Variants in EDIL3 observed in about 807,000 individuals in gnomAD.
EDIL3 encodes EGF like and discoidin domains 3, also known as EGF-like repeat and discoidin I-like domain-containing protein 3.
Under a neutral mutation model 67.4 loss-of-function variants are expected in EDIL3, and 37 were observed. The ratio of observed to expected loss-of-function variants is 0.55; its 90% CI spans 0.42 to 0.72. EDIL3 has a LOEUF of 0.72. EDIL3 is among the 30% of genes least tolerant of loss of function. The pLI is 0.00. For synonymous variants in EDIL3, 195 were observed against 196.3 expected, an observed-to-expected ratio of 0.99 and a Z score of 0.05; for missense variants, 527 against 586.3, an observed-to-expected ratio of 0.90 and a Z score of 1.04.
intron 3 of EDIL3, among the ~76,000 whole-genome samples, chr5:84,215,009 C>T (rs566313424): frequency 7.2e-5 from 11 of 152,100 alleles, no homozygotes; most frequent in Non-Finnish European, 1.5e-4. Flanking sequence ...CGTGAGCCAC[C>T]GCACCCGGCC....
intron 9 of EDIL3, among the ~76,000 whole-genome samples, chr5:83,964,568 G>C (rs1460355389): frequency 6.6e-6 from 1 of 152,000 alleles, no homozygotes; most frequent in African/African-American, 2.4e-5. Flanking sequence ...AGAAGAGAGA[G>C]CTAGAGAGAA....
At chr5:84,308,088 A>AAAT (rs1746309546) in intron 1 of EDIL3, among the ~76,000 whole-genome samples, 1 of 152,162 alleles carries the variant, frequency 6.6e-6, no homozygotes, top group Non-Finnish European at 1.5e-5. Context: ...AGGCAGGGAG[A>AAAT]TATTTAAGGG....
chr5:84,299,218 A>G (rs1394603667), intron 1 of EDIL3, among the ~76,000 whole-genome samples: 1 of 152,164 alleles, frequency 6.6e-6, no homozygotes, highest in Non-Finnish European at 1.5e-5. Context: ...GCTAAGAGAT[A>G]GTGGTATATA....
At chr5:84,292,286 T>C (rs1745939297) in intron 1 of EDIL3, among the ~76,000 whole-genome samples, 1 of 152,186 alleles carries the variant, frequency 6.6e-6, no homozygotes, top group Admixed American at 6.5e-5. Context: ...ATAACACTGA[T>C]GATTTTTTTT....
At chr5:83,947,505 A>G (rs1318731677) in intron 10 of EDIL3, among the ~76,000 whole-genome samples, 1 of 151,744 alleles carries the variant, frequency 6.6e-6, no homozygotes, top group Admixed American at 6.6e-5. Flanking sequence ...GTTAAATAAG[A>G]ACAGTCTTTG....
intron 6 of EDIL3, among the ~76,000 whole-genome samples, chr5:84,085,959 C>G (rs949052481): frequency 1.3e-5 from 2 of 152,146 alleles, no homozygotes; most frequent in Non-Finnish European, 2.9e-5. Flanking sequence ...GGCACTGTCA[C>G]GGGAAAACCA....
At chr5:84,061,107 A>G (rs1315089846) in intron 8 of EDIL3, among the ~76,000 whole-genome samples, 1 of 152,128 alleles carries the variant, frequency 6.6e-6, no homozygotes, top group Non-Finnish European at 1.5e-5. Context: ...GCATTGTGCA[A>G]GCATAATTTA....
intron 1 of EDIL3, among the ~76,000 whole-genome samples, chr5:84,261,774 T>C (rs1474540296): frequency 2.6e-5 from 4 of 152,052 alleles, no homozygotes; most frequent in Admixed American, 1.3e-4. Flanking sequence ...AAGAAACCTC[T>C]TAGACTTAGA....
intron 1 of EDIL3, among the ~76,000 whole-genome samples, chr5:84,258,676 T>C (rs1183494499): frequency 6.6e-6 from 1 of 152,100 alleles, no homozygotes; most frequent in Non-Finnish European, 1.5e-5. Flanking sequence ...TTTGAATGAG[T>C]TATACGGTTA....
At chr5:84,015,292 A>G (rs528698466) in intron 9 of EDIL3, among the ~76,000 whole-genome samples, 2 of 152,346 alleles carry the variant, frequency 1.3e-5, no homozygotes, top group African/African-American at 2.4e-5. Flanking sequence ...GATAAAAGTC[A>G]TCTAGTTCAA....
intron 6 of EDIL3, among the ~76,000 whole-genome samples, chr5:84,089,753 C>A (rs1747131312): frequency 6.6e-6 from 1 of 152,134 alleles, no homozygotes; most frequent in African/African-American, 2.4e-5. Context: ...CCTCCTATTA[C>A]CCCTACAGAT....
chr5:84,243,897 A>G (rs1744847628), intron 2 of EDIL3, among the ~76,000 whole-genome samples: 1 of 152,112 alleles, frequency 6.6e-6, no homozygotes, highest in Non-Finnish European at 1.5e-5. Flanking sequence ...TCATTATATG[A>G]CTCATTTAAA....
chr5:84,205,716 T>C (rs564554711), intron 3 of EDIL3, among the ~76,000 whole-genome samples: 1 of 152,282 alleles, frequency 6.6e-6, no homozygotes, highest in African/African-American at 2.4e-5. Context: ...GTTTGTAGTA[T>C]TCTCTGATGG....
chr5:83,965,415 CTCT>C (rs1298942462), intron 9 of EDIL3, among the ~76,000 whole-genome samples: 1 of 152,074 alleles, frequency 6.6e-6, no homozygotes, highest in Non-Finnish European at 1.5e-5. Context: ...GGCAAAGCTG[CTCT>C]TCTTCAAAGT....
chr5:84,258,016 G>A (rs1745152174), intron 1 of EDIL3, among the ~76,000 whole-genome samples: 2 of 152,066 alleles, frequency 1.3e-5, no homozygotes, highest in East Asian at 3.9e-4. Context: ...AATTAATAAG[G>A]GCCCCACATG....
chr5:83,968,154 C>A (rs756010595), intron 9 of EDIL3, among the ~76,000 whole-genome samples: 12 of 152,004 alleles, frequency 7.9e-5, no homozygotes, highest in Non-Finnish European at 1.6e-4. Flanking sequence ...GGTATTTGGA[C>A]AATATTGCTA....
intron 3 of EDIL3, among the ~76,000 whole-genome samples, chr5:84,224,209 C>T (rs1744403971): frequency 6.6e-6 from 1 of 151,358 alleles, no homozygotes; most frequent in South Asian, 2.1e-4. Context: ...TGATTTTGGT[C>T]CCATCCACTA....
intron 9 of EDIL3, among the ~76,000 whole-genome samples, chr5:83,974,973 T>G (rs1744855219): frequency 6.6e-6 from 1 of 151,984 alleles, no homozygotes; most frequent in Non-Finnish European, 1.5e-5. Context: ...TGGTAAAGTA[T>G]AGAACCAGAT....
intron 10 of EDIL3, among the ~76,000 whole-genome samples, chr5:83,954,839 T>C (rs1388081055): frequency 6.6e-6 from 1 of 151,750 alleles, no homozygotes; most frequent in Non-Finnish European, 1.5e-5. Context: ...GCATCGTAGT[T>C]TTTTCTATTC....
Sources: gnomAD v4.1 joint callset for allele counts (sites outside exome capture counted in the v4.1 genomes callset) on GRCh38, gnomAD v4.1.1 for gene constraint, MANE v1.5 for transcripts, NCBI Gene and HGNC (gene_info 2026-07-23, HGNC 2026-07-21) for gene names.